REPS1: variants seen among roughly 807,000 people sequenced by gnomAD.
The protein encoded by REPS1 is ralBP1-associated Eps domain-containing protein 1.
Under a neutral mutation model 100.9 loss-of-function variants are expected in REPS1, and 39 were observed. The ratio of observed to expected loss-of-function variants is 0.39; its 90% CI spans 0.30 to 0.50. The LOEUF is 0.50. Among genes scored for constraint, REPS1 ranks in the 20% least tolerant of loss-of-function variants. The pLI is 0.86. For missense variants in REPS1, 821 were observed against 968.5 expected (o/e 0.85, Z 2.02); for synonymous variants, 324 against 340.3 (o/e 0.95, Z 0.53).
chr6:138,939,593 T>C (rs1324183010), intron 8 of REPS1, among the ~76,000 whole-genome samples: 1 of 152,208 alleles, frequency 6.6e-6, no homozygotes, highest in Admixed American at 6.5e-5. Flanking sequence ...GAGATTAAAC[T>C]TCATTTAAAT....
At position 138,987,766 on chromosome 6, in the gene REPS1, C is replaced by G; in HGVS notation, c.-84G>C. 7.2e-7 allele frequency: 1 copy of G among 1,393,408 alleles called. No homozygotes were observed. Among genetic ancestry groups the G allele is most frequent in the Non-Finnish European group, 9.3e-7 (1 of 1,070,490 alleles). 86.3% of individuals were successfully genotyped at this position (1,393,408 alleles called of 1,614,324 possible). On this transcript the variant is annotated 5_prime_UTR_variant, in exon 1 of 20. Coordinates refer to ENST00000450536, the MANE Select transcript of REPS1 (RefSeq NM_001286611.2). ...GGAACCTGGGCCGGCAGGGGCTGCG[C>G]GTGGCCCGGCCTCCTGCTAGCTTCC...
chr6:138,918,374 A>G (rs1021395678), intron 12 of REPS1, among the ~76,000 whole-genome samples: 5 of 152,222 alleles, frequency 3.3e-5, no homozygotes. Context: ...CAGAGAGCTG[A>G]GCATTCACAG....
chr6:138,911,571 TGAGG>T (rs1426754097), intron 16 of REPS1, among the ~76,000 whole-genome samples, 200 bp from the exon 17 acceptor site: 18 of 152,226 alleles, frequency 1.2e-4, no homozygotes, highest in African/African-American at 3.6e-4. Flanking sequence ...AATAGATGTG[TGAGG>T]GAGAGGAGGA....
At position 138,943,845 on chromosome 6, in the gene REPS1, C is replaced by T. The variant is rs1056567376; in HGVS notation, c.916+8G>A. On this transcript the variant is annotated splice_region_variant and intron_variant, in intron 6 of 19. Transcript: ENST00000450536. ...CATCTAGAAGAACTTCTGTTTTCAA[C>T]AACTCACCTGGAATAAATCCGTTTA... 1.2e-6 allele frequency: 2 copies of T among 1,609,644 alleles called. No individual in the cohort carries two copies. The highest frequency in any genetic ancestry group is 1.1e-5 in the South Asian group (1 of 90,480).
chr6:138,935,083 C>T (rs1429210885), intron 8 of REPS1, among the ~76,000 whole-genome samples: 1 of 152,186 alleles, frequency 6.6e-6, no homozygotes, highest in Admixed American at 6.5e-5. Flanking sequence ...CCAAAATGAA[C>T]TCCACTTTTC....
intron 8 of REPS1, among the ~76,000 whole-genome samples, chr6:138,930,402 TAG>T (rs905635883): frequency 3.9e-5 from 6 of 152,256 alleles, no homozygotes; most frequent in Admixed American, 2.0e-4. Context: ...ATAACAGAAA[TAG>T]ATTTATACCA....
chr6:138,930,139 T>C (rs1312834900), intron 8 of REPS1, 41 bp from the exon 9 acceptor site: 14 of 1,567,884 alleles, frequency 8.9e-6, no homozygotes, highest in African/African-American at 8.2e-5. Flanking sequence ...AAAGACTACA[T>C]TGTAGTTTAT....
chr6:138,969,737 T>A (rs9321687), intron 1 of REPS1, among the ~76,000 whole-genome samples: 22,527 of 151,896 alleles, frequency 0.15, 1,767 homozygotes, highest in African/African-American at 0.17. Context: ...ATAATACATA[T>A]CTCTAAATGT....
chr6:138,952,064 A>G (rs1783073059), intron 1 of REPS1, among the ~76,000 whole-genome samples: 1 of 152,216 alleles, frequency 6.6e-6, no homozygotes, highest in South Asian at 2.1e-4. Context: ...GATTGTTGCT[A>G]TAATACTGAA....
chr6:138,926,316 A>G, intron 10 of REPS1, 85 bp downstream of exon 10: 1 of 973,438 alleles, frequency 1.0e-6, no homozygotes, highest in East Asian at 2.6e-5. Context: ...CCACTGAATC[A>G]TGCATATCAG....
intron 1 of REPS1, among the ~76,000 whole-genome samples, chr6:138,969,563 A>G (rs536039296): frequency 6.6e-6 from 1 of 150,900 alleles, no homozygotes; most frequent in Admixed American, 6.6e-5. Flanking sequence ...TGCTGGGATT[A>G]CAGCCATGAG....
intron 16 of REPS1, among the ~76,000 whole-genome samples, chr6:138,911,805 G>A (rs938859827): frequency 2.1e-5 from 3 of 146,312 alleles, no homozygotes; most frequent in Admixed American, 1.4e-4. Context: ...GAGAGGAGGA[G>A]GGGACGAGGA....
chr6:138,963,546 T>C (rs1355466600), intron 1 of REPS1, among the ~76,000 whole-genome samples: 5 of 152,236 alleles, frequency 3.3e-5, no homozygotes, highest in South Asian at 4.1e-4. Flanking sequence ...GGAAAGATCA[T>C]GTTCACCATT....
chr6:138,921,981 G>C (rs1408612705), intron 10 of REPS1, among the ~76,000 whole-genome samples: 1 of 126,064 alleles, frequency 7.9e-6, no homozygotes. Flanking sequence ...CAAAAAGTGT[G>C]TGTGTGTGTG....
At chr6:138,985,110 C>A (rs573330910) in intron 1 of REPS1, among the ~76,000 whole-genome samples, 1 of 152,294 alleles carries the variant, frequency 6.6e-6, no homozygotes, top group East Asian at 1.9e-4. Flanking sequence ...TGGCCTCTTT[C>A]TAATTTTATA....
At chr6:138,980,960 G>C (rs1784916879) in intron 1 of REPS1, among the ~76,000 whole-genome samples, 1 of 152,168 alleles carries the variant, frequency 6.6e-6, no homozygotes, top group South Asian at 2.1e-4. Context: ...AGTCTTTGTT[G>C]AAAGTATTTA....
At chr6:138,949,731 A>G (rs1782882700) in intron 1 of REPS1, among the ~76,000 whole-genome samples, 1 of 151,878 alleles carries the variant, frequency 6.6e-6, no homozygotes, top group East Asian at 1.9e-4. Flanking sequence ...ATCTCATAAA[A>G]AAAAAAAAGG....
At chr6:138,925,480 C>T (rs542228090) in intron 10 of REPS1, among the ~76,000 whole-genome samples, 5 of 152,292 alleles carry the variant, frequency 3.3e-5, no homozygotes, top group Non-Finnish European at 5.9e-5. Context: ...ACCATTTTTA[C>T]ATTTAATTAA....
intron 18 of REPS1, among the ~76,000 whole-genome samples, chr6:138,908,043 G>A (rs1779777254): frequency 6.6e-6 from 1 of 152,066 alleles, no homozygotes; most frequent in African/African-American, 2.4e-5. Flanking sequence ...ACAGGCCATA[G>A]GCTGAATTTG....
Sources: allele counts gnomAD v4.1 joint callset (sites outside exome capture counted in the v4.1 genomes callset), GRCh38; gene constraint gnomAD v4.1.1; transcripts MANE v1.5; gene names NCBI Gene and HGNC (gene_info 2026-07-23, HGNC 2026-07-21).